Variants in DLG2 observed in about 807,000 individuals in gnomAD.
DLG2 encodes discs large MAGUK scaffold protein 2.
In DLG2, 45 loss-of-function variants were observed where a neutral mutation model predicts 132.5. That is an observed-to-expected ratio of 0.34 (90% CI 0.27 to 0.44). DLG2 has a LOEUF of 0.44. Among genes scored for constraint, DLG2 ranks in the 20% least tolerant of loss-of-function variants. DLG2 has a pLI of 1.00. For synonymous variants in DLG2, 424 were observed against 419.6 expected (o/e 1.01, Z -0.13); for missense variants, 1,045 against 1,196.9 (o/e 0.87, Z 1.87).
In DLG2 at chr11:84,030,739, G is replaced by T. The variant is rs1191405598; in HGVS notation, c.919+28576C>A. 2.0e-5 allele frequency among the ~76,000 whole-genome samples: 3 copies of T among 152,224 alleles called. No individual in the cohort carries two copies. In the East Asian group the frequency reaches 5.8e-4, roughly 29 times the overall value. On this transcript the variant is annotated intron_variant, in intron 11 of 27. Coordinates refer to ENST00000376104, the MANE Select transcript of DLG2 (RefSeq NM_001142699.3). ...AAATATGTGATAGACTAAGGTTAGA[G>T]TTCTTCTACCTGAAAACAGAAGGAA...
chr11:83,776,599 T>C (rs904676794), intron 18 of DLG2, among the ~76,000 whole-genome samples: 1 of 152,196 alleles, frequency 6.6e-6, no homozygotes, highest in Non-Finnish European at 1.5e-5. Context: ...GGTCCTTTCA[T>C]TGTTTTTAGT....
intron 5 of DLG2, among the ~76,000 whole-genome samples, chr11:85,135,090 G>A (rs576210596): frequency 6.6e-6 from 1 of 152,242 alleles, no homozygotes; most frequent in East Asian, 1.9e-4. Context: ...TTATCTAAGG[G>A]TGCGTAAAAC....
chr11:84,394,605 G>C (rs1356576869), intron 7 of DLG2, among the ~76,000 whole-genome samples: 2 of 151,818 alleles, frequency 1.3e-5, no homozygotes, highest in Non-Finnish European at 2.9e-5. Context: ...ATCAATTCTA[G>C]AAACCTCTTG....
chr11:83,951,852 A>G (rs187337098), intron 14 of DLG2, among the ~76,000 whole-genome samples: 47 of 152,362 alleles, frequency 3.1e-4, no homozygotes, highest in Middle Eastern at 3.4e-3. Context: ...AGCTATTGCA[A>G]TAATTAAATG....
intron 18 of DLG2, among the ~76,000 whole-genome samples, chr11:83,665,060 T>C (rs2075226620): frequency 6.6e-6 from 1 of 152,166 alleles, no homozygotes; most frequent in Non-Finnish European, 1.5e-5. Context: ...TATTAAAGTA[T>C]TGTTAGGGAA....
intron 10 of DLG2, among the ~76,000 whole-genome samples, chr11:84,097,467 C>G (rs772167884): frequency 6.6e-6 from 1 of 152,198 alleles, no homozygotes; most frequent in Non-Finnish European, 1.5e-5. Context: ...TGCCACCCCC[C>G]ACTCCACAGC....
At position 84,984,582 on chromosome 11, in the gene DLG2, A is replaced by C. The variant is rs1409819159; in HGVS notation, c.357+127079T>G. The stretch of plus-strand genomic sequence containing the variant: ...AAAACAAAAATACAATTGAAAAAAA[A>C]AAAAACCTTCCAAGGTATACAGGCA... On this transcript the variant is annotated intron_variant, in intron 6 of 27. Transcript: ENST00000376104. Among the ~76,000 whole-genome samples the C allele has an allele frequency of 2.2e-5, 3 of 138,846 alleles. No individual in the cohort carries two copies. In the East Asian group the frequency reaches 7.2e-4, roughly 33 times the overall value. The allele number at this position is 138,846 out of a possible 152,430, so 91.1% of individuals were successfully genotyped here.
intron 6 of DLG2, among the ~76,000 whole-genome samples, chr11:84,924,679 ATTGT>A (rs1418743810): frequency 1.3e-5 from 2 of 152,176 alleles, no homozygotes; most frequent in Admixed American, 6.5e-5. Flanking sequence ...TTGGGCTGTC[ATTGT>A]TTGTGCCTTT....
intron 10 of DLG2, among the ~76,000 whole-genome samples, chr11:84,090,017 T>C (rs748477683): frequency 6.6e-5 from 10 of 152,342 alleles, no homozygotes; most frequent in Non-Finnish European, 1.3e-4. Flanking sequence ...ATTTTTATAA[T>C]TCAAATACAA....
intron 6 of DLG2, among the ~76,000 whole-genome samples, chr11:84,756,320 G>C (rs1181436113): frequency 1.3e-5 from 2 of 152,190 alleles, no homozygotes; most frequent in Non-Finnish European, 2.9e-5. Context: ...AGAAATAACT[G>C]TTGAGAGACC....
At chr11:84,420,759 C>G (rs1407799878) in intron 7 of DLG2, among the ~76,000 whole-genome samples, 1 of 144,132 alleles carries the variant, frequency 6.9e-6, no homozygotes, top group Non-Finnish European at 1.5e-5. Flanking sequence ...AGCTCCGCCT[C>G]CCGGGTTCAC....
chr11:85,022,430 G>A (rs956187217), intron 6 of DLG2, among the ~76,000 whole-genome samples: 3 of 151,866 alleles, frequency 2.0e-5, no homozygotes, highest in African/African-American at 7.3e-5. Flanking sequence ...TACAAAGAAA[G>A]TATTTTAAAA....
At chr11:83,521,284 A>T (rs1294622159) in intron 21 of DLG2, among the ~76,000 whole-genome samples, 1 of 152,246 alleles carries the variant, frequency 6.6e-6, no homozygotes, top group East Asian at 1.9e-4. Flanking sequence ...TCCAGTATCC[A>T]CAAAGAATTT....
chr11:84,622,929 A>G (rs911716482), intron 6 of DLG2, among the ~76,000 whole-genome samples: 15 of 152,038 alleles, frequency 9.9e-5, no homozygotes, highest in Admixed American at 2.0e-4. Context: ...AGATAAACCA[A>G]TCTCTGGAAA....
chr11:84,514,997 G>C (rs2099268223), intron 7 of DLG2, among the ~76,000 whole-genome samples: 1 of 151,634 alleles, frequency 6.6e-6, no homozygotes. Context: ...TGTTATAACT[G>C]TAACATTTTA....
At chr11:83,732,369 T>C (rs902141740) in intron 18 of DLG2, among the ~76,000 whole-genome samples, 37 of 152,322 alleles carry the variant, frequency 2.4e-4, no homozygotes, top group African/African-American at 7.2e-4. Context: ...CTTAAATGTC[T>C]CTCATGTTGG....
Position 85,146,222 on chromosome 11 carries a change from TTCTCCCTC to T in DLG2, c.282+8326_282+8333del, listed in dbSNP as rs141357833. On this transcript the variant is annotated intron_variant, in intron 5 of 27. Transcript: ENST00000376104. ...AACAGAAGTCTGTCTGTATGTCTGT[TTCTCCCTC>T]TCTCTCTCTCTCTCTCTCTCTCTCT... Among the ~76,000 whole-genome samples, 80 of 94,186 alleles carry T rather than the reference TTCTCCCTC, an allele frequency of 8.5e-4. 1 individual carries two copies. Among genetic ancestry groups the T allele is most frequent in the African/African-American group, 3.1e-3 (74 of 23,902 alleles). 61.8% of individuals were successfully genotyped at this position (94,186 alleles called of 152,430 possible). A position where few individuals can be genotyped will look rare whatever the true frequency, so the allele number is the denominator to read the frequency against.
At chr11:84,287,792 C>A (rs998242916) in intron 7 of DLG2, among the ~76,000 whole-genome samples, 1 of 138,140 alleles carries the variant, frequency 7.2e-6, no homozygotes, top group Non-Finnish European at 1.6e-5. Context: ...ATACTTTATT[C>A]GTCTATTTCA....
intron 15 of DLG2, among the ~76,000 whole-genome samples, chr11:83,886,527 T>C (rs538270802): frequency 1.4e-4 from 22 of 152,174 alleles, no homozygotes; most frequent in Middle Eastern, 6.8e-3. Flanking sequence ...CTGTCAACAA[T>C]AGACAGATGA....
Sources: allele counts gnomAD v4.1 joint callset (sites outside exome capture counted in the v4.1 genomes callset), GRCh38; gene constraint gnomAD v4.1.1; transcripts MANE v1.5; gene names NCBI Gene and HGNC (gene_info 2026-07-23, HGNC 2026-07-21).